The following SYNE2 variants were observed in gnomAD, a reference collection of about 807,000 sequenced individuals.
SYNE2 encodes the protein spectrin repeat containing nuclear envelope protein 2.
Under a neutral mutation model 856.3 loss-of-function variants are expected in SYNE2, and 431 were observed. The ratio of observed to expected loss-of-function variants is 0.50; its 90% confidence interval spans 0.47 to 0.55. The LOEUF is 0.55. SYNE2 is among the 20% of genes least tolerant of loss of function. The probability of loss-of-function intolerance (pLI) is 0.00; values close to 1 mark genes in which losing one functional copy is unlikely to be tolerated. For missense variants in SYNE2, 8,129 were observed against 8,023.2 expected (o/e 1.01, Z -0.50); for synonymous variants, 2,923 against 2,872.3 (o/e 1.02, Z -0.56).
intron 6 of SYNE2, among the ~76,000 whole-genome samples, chr14:63,948,730 ATG>A (rs1461775070): frequency 5.6e-5 from 5 of 88,890 alleles, no homozygotes; most frequent in South Asian, 4.2e-4. Context: ...GTGTATATAT[ATG>A]TGTATAGATA....
intron 73 of SYNE2, 91 bp from the exon 74 acceptor site, chr14:64,128,361 G>T: frequency 1.4e-6 from 1 of 718,652 alleles, no homozygotes; most frequent in Non-Finnish European, 2.5e-6. Flanking sequence ...GAAATTTCTA[G>T]TGTCACAAAA....
intron 45 of SYNE2, among the ~76,000 whole-genome samples, chr14:64,035,603 C>A (rs2097081644): frequency 6.8e-6 from 1 of 147,880 alleles, no homozygotes; most frequent in African/African-American, 2.5e-5. Flanking sequence ...TGAAAAAGAC[C>A]TTAGAAATTG....
At chr14:63,866,443 G>T (rs11625693) in intron 1 of SYNE2, among the ~76,000 whole-genome samples, 5 of 152,070 alleles carry the variant, frequency 3.3e-5, no homozygotes, top group South Asian at 4.2e-4. Context: ...TGGGAAAATC[G>T]CTTGAGCCCA....
At chr14:63,776,290 G>C (rs1764174700) in intron 1 of SYNE2, among the ~76,000 whole-genome samples, 1 of 152,180 alleles carries the variant, frequency 6.6e-6, no homozygotes, top group African/African-American at 2.4e-5. Context: ...GGACTATTGA[G>C]AGGGTCTTAG....
chr14:63,920,884 C>T (rs543852207), intron 2 of SYNE2, among the ~76,000 whole-genome samples: 9 of 152,006 alleles, frequency 5.9e-5, no homozygotes, highest in African/African-American at 2.2e-4. Flanking sequence ...GAGGCAGAGG[C>T]GGGTGGATCA....
At chr14:63,925,990 C>T (rs138916437) in intron 2 of SYNE2, among the ~76,000 whole-genome samples, 19 of 151,816 alleles carry the variant, frequency 1.3e-4, no homozygotes, top group South Asian at 6.3e-4. Flanking sequence ...AACAGGTGCG[C>T]GCCATGACAC....
At chr14:64,040,742 A>G (rs914740179) in intron 45 of SYNE2, among the ~76,000 whole-genome samples, 2 of 150,828 alleles carry the variant, frequency 1.3e-5, no homozygotes, top group Admixed American at 6.6e-5. Flanking sequence ...CAGAGGCTAT[A>G]CTGCAATGAT....
At chr14:64,161,781 C>A (rs1188008720) in intron 87 of SYNE2, among the ~76,000 whole-genome samples, 1 of 152,012 alleles carries the variant, frequency 6.6e-6, no homozygotes, top group East Asian at 1.9e-4. Context: ...TTCATCACTC[C>A]CCTCTCTTAA....
intron 65 of SYNE2, among the ~76,000 whole-genome samples, chr14:64,110,618 A>G (rs2097798922): frequency 8.9e-6 from 1 of 112,660 alleles, no homozygotes; most frequent in African/African-American, 3.4e-5. Flanking sequence ...GTGTACAATT[A>G]TAAAACATCC....
chr14:64,096,964 G>A (rs2097682562), intron 61 of SYNE2, among the ~76,000 whole-genome samples: 1 of 152,196 alleles, frequency 6.6e-6, no homozygotes, highest in East Asian at 1.9e-4. Flanking sequence ...TTCTAAAAAG[G>A]AGCAGGCTGC....
Position 64,196,826 on chromosome 14 carries a change from T to C in SYNE2, c.18039-5975T>C, listed in dbSNP as rs183306926. 1.2e-4 allele frequency: 19 copies of C among 152,352 alleles called. No homozygotes were observed. The East Asian group carries it at 2.9e-3, about 23-fold the overall frequency. 9.4% of individuals were successfully genotyped at this position (152,352 alleles called of 1,614,324 possible). Reference sequence around the variant, plus strand: ...GTGTGTGAGGAAAAAGCTGGAGATATTTGTTTACTGGAAGGAAGAAAACTG... The same window carrying C: ...GTGTGTGAGGAAAAAGCTGGAGATACTTGTTTACTGGAAGGAAGAAAACTG... On this transcript the variant is annotated intron_variant, in intron 99 of 115. Coordinates refer to ENST00000555002, the MANE Select transcript of SYNE2 (RefSeq NM_182914.3).
chr14:64,080,050 TGTGTGTGTGTGTGTGCGCGTGC>T (rs1387039755), intron 55 of SYNE2, among the ~76,000 whole-genome samples: 2 of 151,958 alleles, frequency 1.3e-5, no homozygotes, highest in Non-Finnish European at 2.9e-5. Flanking sequence ...AGAGCGTGTG[TGTGTGTGTGTGTGTGCGCGTGC>T]GTGTGTGTGT....
chr14:63,970,658 T>C (rs933837457), intron 11 of SYNE2, among the ~76,000 whole-genome samples: 9 of 142,030 alleles, frequency 6.3e-5, no homozygotes, highest in Admixed American at 2.1e-4. Context: ...TTTCTTTTTT[T>C]TTTTTTTTTT....
At chr14:64,072,793 G>A (rs781172123) in intron 52 of SYNE2, among the ~76,000 whole-genome samples, 10 of 152,198 alleles carry the variant, frequency 6.6e-5, no homozygotes, top group South Asian at 2.1e-4. Context: ...GAGCCACTGC[G>A]CCCCGCTGGT....
intron 1 of SYNE2, among the ~76,000 whole-genome samples, chr14:63,855,136 C>G (rs1276793356): frequency 6.6e-6 from 1 of 151,878 alleles, no homozygotes; most frequent in Non-Finnish European, 1.5e-5. Flanking sequence ...ACCTTTTTAC[C>G]TTTTTCATCT....
chr14:64,209,899 G>T, intron 102 of SYNE2, 43 bp from the exon 103 acceptor site: 1 of 1,613,216 alleles, frequency 6.2e-7, no homozygotes. Context: ...GGGCGTCCTG[G>T]CACTCTGCAT....
At chr14:63,911,364 CT>C (rs370747791) in intron 2 of SYNE2, among the ~76,000 whole-genome samples, 48 of 152,296 alleles carry the variant, frequency 3.2e-4, no homozygotes, top group African/African-American at 1.1e-3. Context: ...CGTAGTATCT[CT>C]TTGAGCACTT....
chr14:63,850,866 C>T (rs150716140), upstream of SYNE2, among the ~76,000 whole-genome samples: 764 of 152,242 alleles, frequency 5.0e-3, 4 homozygotes, highest in African/African-American at 0.018. Flanking sequence ...ACATTTTCTC[C>T]AGAGACTGTT....
intron 45 of SYNE2, among the ~76,000 whole-genome samples, chr14:64,045,150 A>C (rs2097176736): frequency 6.6e-6 from 1 of 152,158 alleles, no homozygotes; most frequent in South Asian, 2.1e-4. Context: ...ATGTTAGTTC[A>C]AGGGATTCTG....
Sources: gnomAD v4.1 joint callset for allele counts (sites outside exome capture counted in the v4.1 genomes callset) on GRCh38, gnomAD v4.1.1 for gene constraint, MANE v1.5 for transcripts, NCBI Gene and HGNC (gene_info 2026-07-23, HGNC 2026-07-21) for gene names.